The following LIFR variants were observed in gnomAD, a reference collection of about 807,000 sequenced individuals.
LIFR encodes the protein leukemia inhibitory factor receptor.
Under a neutral mutation model 122.2 loss-of-function variants are expected in LIFR, and 84 were observed. That is an observed-to-expected ratio of 0.69 (90% CI 0.58 to 0.82). The LOEUF is 0.82. Ranked by LOEUF, LIFR falls within the 40% of genes least tolerant of loss-of-function variation. LIFR has a pLI of 0.00. For missense variants in LIFR, 1,294 were observed against 1,311.6 expected (o/e 0.99, Z 0.21); for synonymous variants, 422 against 434.7 (o/e 0.97, Z 0.36).
At chr5:38,577,104 T>G (rs1165136580) in intron 1 of LIFR, among the ~76,000 whole-genome samples, 1 of 152,172 alleles carries the variant, frequency 6.6e-6, no homozygotes, top group Non-Finnish European at 1.5e-5. Flanking sequence ...AAGACACCAG[T>G]TAAAAAGATT....
chr5:38,540,959 A>G (rs1038319211), intron 1 of LIFR, among the ~76,000 whole-genome samples: 1 of 152,178 alleles, frequency 6.6e-6, no homozygotes, highest in Non-Finnish European at 1.5e-5. Flanking sequence ...ATGTTGACCA[A>G]AATGTGCCTG....
Position 38,553,644 on chromosome 5 carries a change from A to ATATAT in LIFR, c.-20+2685_-20+2689dup, listed in dbSNP as rs1554027599. Among the ~76,000 whole-genome samples the ATATAT allele has an allele frequency of 4.7e-4, 44 of 94,480 alleles. No homozygotes were observed. In the East Asian group the frequency reaches 0.011, roughly 24 times the overall value. The allele number at this position is 94,480 out of a possible 152,430, so 62.0% of individuals were successfully genotyped here. A position where few individuals can be genotyped will look rare whatever the true frequency, so the allele number is the denominator to read the frequency against. On this transcript the variant is annotated intron_variant, in intron 1 of 19. Coordinates refer to ENST00000453190, the MANE Select transcript of LIFR (RefSeq NM_001127671.2). Reference sequence around the variant, plus strand: ...AAACTATATATATATATATATATATATATATATATATATATATATATATAT... The same window carrying ATATAT: ...AAACTATATATATATATATATATATATATATTATATATATATATATATATATATAT...
intron 1 of LIFR, among the ~76,000 whole-genome samples, chr5:38,585,343 T>C (rs536929094): frequency 1.6e-4 from 25 of 152,102 alleles, no homozygotes; most frequent in Non-Finnish European, 2.6e-4. Context: ...TCAAAAGGGG[T>C]TGTAATTAAA....
At position 38,526,785 on chromosome 5, in the gene LIFR, AG is replaced by A. The variant is rs1206052538; in HGVS notation, c.397+369del. On this transcript the variant is annotated intron_variant, in intron 4 of 19. Coordinates refer to ENST00000453190, the MANE Select transcript of LIFR (RefSeq NM_001127671.2). Reference sequence around the variant, plus strand: ...AACACAATGAACTATTAATCGACTGAGTCTCCTACAGTCTGTCTTGATTTGC... The same window carrying A: ...AACACAATGAACTATTAATCGACTGATCTCCTACAGTCTGTCTTGATTTGC... Among the ~76,000 whole-genome samples, 121 of 152,310 alleles carry A rather than the reference AG, an allele frequency of 7.9e-4. 1 individual carries two copies. Among genetic ancestry groups the A allele is most frequent in the Middle Eastern group, 3.4e-3 (1 of 294 alleles).
At chr5:38,541,526 T>G (rs756864874) in intron 1 of LIFR, among the ~76,000 whole-genome samples, 2 of 152,344 alleles carry the variant, frequency 1.3e-5, no homozygotes, top group South Asian at 4.1e-4. Context: ...ATTCAAGCTG[T>G]GTAAACAGAG....
At chr5:38,558,538 G>A (rs1356893503), upstream of LIFR, 1 of 152,142 alleles carries the variant, frequency 6.6e-6, no homozygotes, top group African/African-American at 2.4e-5. Context: ...TGCAATTTGG[G>A]TGGTCCTCTT....
At position 38,495,966 on chromosome 5, in the gene LIFR, T is replaced by C. The variant is rs887371502; in HGVS notation, c.1885+416A>G. Among the ~76,000 whole-genome samples, 3 of 152,128 alleles carry C rather than the reference T, an allele frequency of 2.0e-5. No homozygotes were observed. In the South Asian group the frequency reaches 6.2e-4, roughly 32 times the overall value. On this transcript the variant is annotated intron_variant, in intron 13 of 19. Transcript: ENST00000453190. ...AATTTCTTATCAAAAAAGGTGCTAA[T>C]TAAAATAAGCGTTTTTTTTTTTTCC...
intron 9 of LIFR, among the ~76,000 whole-genome samples, chr5:38,504,831 G>A (rs572571481): frequency 6.6e-6 from 1 of 152,278 alleles, no homozygotes; most frequent in Admixed American, 6.5e-5. Flanking sequence ...AAGACGACAG[G>A]AAAGAACAAC....
chr5:38,554,069 C>T (rs936440877), intron 1 of LIFR, among the ~76,000 whole-genome samples: 3 of 151,956 alleles, frequency 2.0e-5, no homozygotes, highest in Admixed American at 1.3e-4. Flanking sequence ...CATAAACTAC[C>T]CTCATCTTCA....
chr5:38,598,280 T>C (rs1199125016), upstream of LIFR, among the ~76,000 whole-genome samples: 1 of 130,856 alleles, frequency 7.6e-6, no homozygotes, highest in East Asian at 2.5e-4. Context: ...GGAGTCTCGC[T>C]GTGTCGCCCA....
upstream of LIFR, chr5:38,558,886 G>A (rs1361535719): frequency 1.3e-5 from 2 of 152,180 alleles, no homozygotes; most frequent in Admixed American, 1.3e-4. Flanking sequence ...GATGAGGTTT[G>A]GGTAGGAACA....
intron 1 of LIFR, among the ~76,000 whole-genome samples, chr5:38,533,923 A>G (rs1326076469): frequency 1.3e-5 from 2 of 152,230 alleles, no homozygotes; most frequent in Non-Finnish European, 2.9e-5. Flanking sequence ...CCATACAATA[A>G]GATGACTCCC....
intron 2 of LIFR, among the ~76,000 whole-genome samples, chr5:38,602,365 C>A (rs1750237478): frequency 6.6e-6 from 1 of 152,170 alleles, no homozygotes; most frequent in Non-Finnish European, 1.5e-5. Context: ...CATAATTGAC[C>A]ATGCTGTTTC....
At chr5:38,551,508 G>A (rs773432812) in intron 1 of LIFR, among the ~76,000 whole-genome samples, 1 of 152,180 alleles carries the variant, frequency 6.6e-6, no homozygotes, top group Non-Finnish European at 1.5e-5. Flanking sequence ...AGGTGTCTTT[G>A]GAGAAGCCCA....
At chr5:38,504,972 C>T (rs146455966) in intron 9 of LIFR, among the ~76,000 whole-genome samples, 3 of 152,202 alleles carry the variant, frequency 2.0e-5, no homozygotes, top group Non-Finnish European at 2.9e-5. Context: ...AGGTCTAGGC[C>T]GTTGCTCAGT....
At chr5:38,565,760 T>A (rs2112703185) in intron 1 of LIFR, among the ~76,000 whole-genome samples, 1 of 152,248 alleles carries the variant, frequency 6.6e-6, no homozygotes, top group South Asian at 2.1e-4. Flanking sequence ...GCTAATTTTG[T>A]ATTTTTAGTA....
In LIFR at chr5:38,505,086, G is replaced by A. The variant is rs185810113; in HGVS notation, c.1291+819C>T. Among the ~76,000 whole-genome samples the A allele has an allele frequency of 8.7e-4, 132 of 152,038 alleles. 2 individuals carry two copies. The South Asian group carries it at 0.019, about 22-fold the overall frequency. ...TTTATTTGGAGCTATATATTAATAC[G>A]ATTGGTAAAAATGCAATCAGTAATA... On this transcript the variant is annotated intron_variant, in intron 9 of 19. Coordinates refer to ENST00000453190, the MANE Select transcript of LIFR (RefSeq NM_001127671.2).
intron 10 of LIFR, among the ~76,000 whole-genome samples, chr5:38,503,234 A>G (rs1184534255): frequency 6.6e-6 from 1 of 152,174 alleles, no homozygotes; most frequent in African/African-American, 2.4e-5. Flanking sequence ...GGAGGCAGGC[A>G]TTACCTTTTG....
At chr5:38,484,420 G>A (rs1744164821) in intron 18 of LIFR, among the ~76,000 whole-genome samples, 2 of 152,188 alleles carry the variant, frequency 1.3e-5, no homozygotes, top group African/African-American at 4.8e-5. Flanking sequence ...AAAATGACCA[G>A]ATTTTCTAAA....
Sources: gnomAD v4.1 joint callset for allele counts (sites outside exome capture counted in the v4.1 genomes callset) on GRCh38, gnomAD v4.1.1 for gene constraint, MANE v1.5 for transcripts, NCBI Gene and HGNC (gene_info 2026-07-23, HGNC 2026-07-21) for gene names.